The following MSH3 variants were observed in gnomAD, a reference collection of about 807,000 sequenced individuals.
MSH3 encodes mutS homolog 3.
A neutral mutation model predicts 123.3 loss-of-function variants in MSH3; 106 were observed. The observed-to-expected ratio is 0.86, with a 90% CI of 0.73 to 1.01. The LOEUF is 1.01. Among genes scored for constraint, MSH3 ranks in the 50% least tolerant of loss-of-function variants. MSH3 has a pLI of 0.00. For synonymous variants in MSH3, 515 were observed against 481.4 expected (o/e 1.07, Z -0.91); for missense variants, 1,459 against 1,347.6 (o/e 1.08, Z -1.29).
chr5:80,872,604 G>A (rs181341615), intron 22 of MSH3, among the ~76,000 whole-genome samples: 1 of 152,248 alleles, frequency 6.6e-6, no homozygotes, highest in African/African-American at 2.4e-5. Context: ...CCAGGAGTTC[G>A]AGACCAGCCT....
chr5:80,854,525 A>C (rs928842065), intron 21 of MSH3, among the ~76,000 whole-genome samples: 4 of 152,084 alleles, frequency 2.6e-5, no homozygotes, highest in Non-Finnish European at 5.9e-5. Context: ...AATTTCTCTT[A>C]GTTATTTTGA....
chr5:80,805,276 A>T (rs553859479), intron 19 of MSH3, among the ~76,000 whole-genome samples: 1 of 152,220 alleles, frequency 6.6e-6, no homozygotes, highest in Non-Finnish European at 1.5e-5. Flanking sequence ...TAAAACTGGT[A>T]TGTGGGTTGG....
chr5:80,847,837 T>C (rs1241229376), intron 20 of MSH3, among the ~76,000 whole-genome samples: 1 of 152,248 alleles, frequency 6.6e-6, no homozygotes, highest in Non-Finnish European at 1.5e-5. Flanking sequence ...TGTTAGGACA[T>C]GGTCTCCGTG....
intron 17 of MSH3, among the ~76,000 whole-genome samples, chr5:80,786,625 A>G (rs914229744): frequency 6.6e-6 from 1 of 152,170 alleles, no homozygotes. Flanking sequence ...TGTTACTTAA[A>G]AAGATACTTT....
intron 19 of MSH3, among the ~76,000 whole-genome samples, chr5:80,799,920 G>A (rs917416104): frequency 9.2e-5 from 14 of 152,208 alleles, no homozygotes; most frequent in Non-Finnish European, 1.6e-4. Flanking sequence ...CATTAGCACA[G>A]TGCCTGGCAC....
At chr5:80,846,338 C>T (rs753981708) in intron 20 of MSH3, among the ~76,000 whole-genome samples, 1 of 151,548 alleles carries the variant, frequency 6.6e-6, no homozygotes, top group Non-Finnish European at 1.5e-5. Context: ...GGAGGTGTCT[C>T]CCAGTCAGGC....
At chr5:80,673,140 T>G (rs1749759805) in intron 6 of MSH3, among the ~76,000 whole-genome samples, 1 of 152,180 alleles carries the variant, frequency 6.6e-6, no homozygotes, top group Non-Finnish European at 1.5e-5. Context: ...AGTATCTGAT[T>G]TGAAATTATA....
At chr5:80,674,933 A>T in intron 6 of MSH3, 50 bp from the exon 7 acceptor site, 6 of 1,384,148 alleles carry the variant, frequency 4.3e-6, no homozygotes, top group Non-Finnish European at 6.0e-6. Context: ...AATTTAGCAT[A>T]TTAGGATTTA....
chr5:80,775,672 T>G, intron 15 of MSH3, 22 bp from the exon 16 acceptor site: 2 of 1,316,542 alleles, frequency 1.5e-6, no homozygotes, highest in South Asian at 2.4e-5. Flanking sequence ...TCTAAATCTC[T>G]GTTTATTTGT....
Position 80,699,616 on chromosome 5 carries a change from A to G in MSH3, c.1340+20523A>G, listed in dbSNP as rs544154537. ...AGTAGCTGGAAATCTATACATTAAC[A>G]TATATGGTAATCAATGTCTATTTAC... On this transcript the variant is annotated intron_variant, in intron 8 of 23. Coordinates refer to ENST00000265081, the MANE Select transcript of MSH3 (RefSeq NM_002439.5). Among the ~76,000 whole-genome samples, 7 of 152,008 alleles carry G rather than the reference A, an allele frequency of 4.6e-5. No homozygotes were observed. In the South Asian group the frequency reaches 1.5e-3, roughly 32 times the overall value.
At chr5:80,831,702 A>C (rs934564718) in intron 20 of MSH3, among the ~76,000 whole-genome samples, 1 of 152,090 alleles carries the variant, frequency 6.6e-6, no homozygotes, top group Middle Eastern at 3.2e-3. Context: ...AAAAAAAAAA[A>C]AAACAAGCTT....
Position 80,674,994 on chromosome 5 carries a change from C to T in MSH3, c.1039C>T (p.Leu347=), listed in dbSNP as rs1580553623. 1.2e-6 allele frequency: 2 copies of T among 1,606,280 alleles called. No homozygotes were observed. Among genetic ancestry groups the T allele is most frequent in the Non-Finnish European group, 8.5e-7 (1 of 1,173,864 alleles). Reference sequence around the variant, plus strand: ...TTAATTATTATTAAATGTGAATCCCCTAATCAAGCTGGATGATGCTGTAAA... The same window carrying T: ...TTAATTATTATTAAATGTGAATCCCTTAATCAAGCTGGATGATGCTGTAAA... ...STLIGEDVNP[L]IKLDDAVNVD... The change falls in exon 7 of 24, where the codon CTA becomes TTA. Residue 347 remains leucine (L), a synonymous_variant. Coordinates refer to ENST00000265081, the MANE Select transcript of MSH3 (RefSeq NM_002439.5).
rs1381008649 is a variant in MSH3, at chr5:80,761,557, C to T, written c.1775C>T (p.Ala592Val). 1.9e-6 allele frequency: 3 copies of T among 1,613,882 alleles called. No homozygotes were observed. The highest frequency in any genetic ancestry group is 1.1e-5 in the South Asian group (1 of 91,078). The change falls in exon 13 of 24, where the codon GCC (alanine) becomes GTC (valine). Residue 592 changes from alanine to valine, a missense_variant. By Grantham distance (64) the Ala-to-Val change is moderately conservative (BLOSUM62 0). Coordinates refer to ENST00000265081, the MANE Select transcript of MSH3 (RefSeq NM_002439.5). ...CTCTTTTCTCACAGGGAAATAAATGCCCGGCTTGATGCTGTATCGGAAGTT... is the reference window on the plus strand; with the variant it reads ...CTCTTTTCTCACAGGGAAATAAATGTCCGGCTTGATGCTGTATCGGAAGTT... ...QPLLKLREIN[A>V]RLDAVSEVLH...
intron 8 of MSH3, among the ~76,000 whole-genome samples, chr5:80,693,950 A>G (rs555934160): frequency 6.6e-6 from 1 of 152,112 alleles, no homozygotes; most frequent in Non-Finnish European, 1.5e-5. Flanking sequence ...ATGAGCCACC[A>G]TGCCTGGCCA....
At chr5:80,734,726 G>A (rs1377778888) in intron 10 of MSH3, among the ~76,000 whole-genome samples, 3 of 152,158 alleles carry the variant, frequency 2.0e-5, no homozygotes, top group African/African-American at 7.2e-5. Context: ...TTTGAGGACT[G>A]GTACTTGGCC....
At chr5:80,684,069 C>T (rs1750030930) in intron 8 of MSH3, among the ~76,000 whole-genome samples, 2 of 152,090 alleles carry the variant, frequency 1.3e-5, no homozygotes, top group African/African-American at 4.8e-5. Flanking sequence ...CAGTACCATG[C>T]CATTTTGGTT....
chr5:80,759,888 G>A (rs960864814), intron 12 of MSH3, among the ~76,000 whole-genome samples: 5 of 152,258 alleles, frequency 3.3e-5, no homozygotes, highest in South Asian at 2.1e-4. Flanking sequence ...CTCCTGCATC[G>A]TACTAACAAA....
intron 10 of MSH3, among the ~76,000 whole-genome samples, chr5:80,734,984 G>C (rs1057350481): frequency 6.6e-6 from 1 of 152,198 alleles, no homozygotes; most frequent in Non-Finnish European, 1.5e-5. Flanking sequence ...CATTTCTCAT[G>C]CAGTTACTTT....
At chr5:80,855,572 T>C (rs1745901987) in intron 21 of MSH3, 1 of 152,222 alleles carries the variant, frequency 6.6e-6, no homozygotes, top group African/African-American at 2.4e-5. Flanking sequence ...TGTTTGGTCC[T>C]CTAGGCTTCA....
Sources: allele counts gnomAD v4.1 joint callset (sites outside exome capture counted in the v4.1 genomes callset), GRCh38; gene constraint gnomAD v4.1.1; transcripts MANE v1.5; gene names NCBI Gene and HGNC (gene_info 2026-07-23, HGNC 2026-07-21).